The following SHB variants were observed in gnomAD, a reference collection of about 807,000 sequenced individuals.
SHB encodes SH2 domain-containing adapter protein B.
A neutral mutation model predicts 52.3 loss-of-function variants in SHB; 20 were observed. The observed-to-expected ratio is 0.38, with a 90% CI of 0.27 to 0.56. The LOEUF is 0.56. Ranked by LOEUF, SHB falls within the 20% of genes least tolerant of loss-of-function variation. The probability of loss-of-function intolerance (pLI) is 0.71; values close to 1 mark genes in which losing one functional copy is unlikely to be tolerated. For synonymous variants in SHB, 397 were observed against 316.5 expected, an observed-to-expected ratio of 1.25 and a Z score of -2.70; for missense variants, 825 against 723.3, an observed-to-expected ratio of 1.14 and a Z score of -1.61.
At chr9:37,963,175 G>T (rs977506374) in intron 3 of SHB, among the ~76,000 whole-genome samples, 1 of 152,170 alleles carries the variant, frequency 6.6e-6, no homozygotes, top group Non-Finnish European at 1.5e-5. Flanking sequence ...GTGGCCCCCG[G>T]GGATAGGGGG....
chr9:37,998,755 G>A (rs957726081), intron 2 of SHB, among the ~76,000 whole-genome samples: 1 of 152,130 alleles, frequency 6.6e-6, no homozygotes, highest in Non-Finnish European at 1.5e-5. Flanking sequence ...GCCTGTCCTC[G>A]AAATCCTATT....
At chr9:38,008,503 G>A (rs969910296) in intron 2 of SHB, among the ~76,000 whole-genome samples, 11 of 152,326 alleles carry the variant, frequency 7.2e-5, no homozygotes, top group Middle Eastern at 3.4e-3. Context: ...CACAGTCTAC[G>A]ACCAAGCCTG....
chr9:37,963,697 C>T (rs868343962), intron 3 of SHB, among the ~76,000 whole-genome samples: 8 of 152,018 alleles, frequency 5.3e-5, no homozygotes, highest in African/African-American at 1.9e-4. Context: ...GGTAGTTGTG[C>T]GACCCCAGGA....
At chr9:38,064,027 C>G (rs1821930234) in intron 1 of SHB, among the ~76,000 whole-genome samples, 1 of 151,830 alleles carries the variant, frequency 6.6e-6, no homozygotes, top group Non-Finnish European at 1.5e-5. Flanking sequence ...GAAAATATAA[C>G]TGGATGAGAC....
chr9:37,923,666 G>C (rs1384908021), intron 5 of SHB, among the ~76,000 whole-genome samples: 1 of 152,186 alleles, frequency 6.6e-6, no homozygotes, highest in African/African-American at 2.4e-5. Context: ...AAGGAGACGC[G>C]AGCATGAGCA....
At chr9:38,057,619 CAT>C (rs1273748123) in intron 1 of SHB, among the ~76,000 whole-genome samples, 2 of 152,242 alleles carry the variant, frequency 1.3e-5, no homozygotes, top group Non-Finnish European at 2.9e-5. Flanking sequence ...TCCCCGATCA[CAT>C]GTGTGGCTTT....
At chr9:37,930,994 T>C (rs995420656) in intron 5 of SHB, among the ~76,000 whole-genome samples, 3 of 152,076 alleles carry the variant, frequency 2.0e-5, no homozygotes, top group Non-Finnish European at 2.9e-5. Flanking sequence ...TTGATGAGGG[T>C]ACCAAGAAGA....
intron 3 of SHB, among the ~76,000 whole-genome samples, chr9:37,959,718 G>A (rs1014703869): frequency 1.3e-5 from 2 of 152,118 alleles, no homozygotes; most frequent in Admixed American, 1.3e-4. Flanking sequence ...CCAGCCTCAG[G>A]TCCACCAATC....
At position 37,980,220 on chromosome 9, in the gene SHB, C is replaced by T. The variant is rs920907488; in HGVS notation, c.839-5383G>A. ...CTGTTTTATAACATTTTACCCACGGCAGAACTTCTTTCAAAATTGGAGTCA... is the reference window on the plus strand; with the variant it reads ...CTGTTTTATAACATTTTACCCACGGTAGAACTTCTTTCAAAATTGGAGTCA... On this transcript the variant is annotated intron_variant, in intron 2 of 5. Transcript: ENST00000377707. Among the ~76,000 whole-genome samples the T allele has an allele frequency of 5.3e-5, 8 of 152,348 alleles. No individual in the cohort carries two copies. The South Asian group carries it at 1.0e-3, about 20-fold the overall frequency.
chr9:37,937,440 G>A (rs1245799241), intron 5 of SHB, among the ~76,000 whole-genome samples: 1 of 151,988 alleles, frequency 6.6e-6, no homozygotes, highest in South Asian at 2.1e-4. Flanking sequence ...TATTCCTCTT[G>A]GGTGAAATAA....
Position 37,918,487 on chromosome 9 carries a change from C to CTGTGTGTG in SHB, c.*1326_*1333dup, listed in dbSNP as rs35453970. The stretch of plus-strand genomic sequence containing the variant: ...TGGAAGCAGTGTGGACCACTGAGGG[C>CTGTGTGTG]TGTGTGTGTGTGTGTGTGTGTGTGT... On this transcript the variant is annotated 3_prime_UTR_variant, in exon 6 of 6. Coordinates refer to ENST00000377707, the MANE Select transcript of SHB (RefSeq NM_003028.3). Among the ~76,000 whole-genome samples, 4 of 45,516 alleles carry CTGTGTGTG rather than the reference C, an allele frequency of 8.8e-5. No homozygotes were observed. The highest frequency in any genetic ancestry group is 8.5e-4 in the East Asian group (1 of 1,170). 29.9% of individuals were successfully genotyped at this position (45,516 alleles called of 152,430 possible).
At chr9:37,936,201 G>C (rs1832368965) in intron 5 of SHB, among the ~76,000 whole-genome samples, 3 of 152,190 alleles carry the variant, frequency 2.0e-5, no homozygotes, top group Admixed American at 1.3e-4. Context: ...GGGCGACAGA[G>C]CGGGACTCTG....
At chr9:37,927,144 T>C (rs1832259374) in intron 5 of SHB, among the ~76,000 whole-genome samples, 1 of 152,214 alleles carries the variant, frequency 6.6e-6, no homozygotes, top group Non-Finnish European at 1.5e-5. Flanking sequence ...TGTAAGTGCA[T>C]CTCACTGTGT....
At chr9:37,948,848 C>T in intron 4 of SHB, 94 bp from the exon 5 acceptor site, 1 of 1,521,800 alleles carries the variant, frequency 6.6e-7, no homozygotes, top group Non-Finnish European at 8.9e-7. Context: ...CAGAGAGCCT[C>T]CCTGTACAAG....
intron 2 of SHB, among the ~76,000 whole-genome samples, chr9:38,008,942 G>A (rs1430541213): frequency 6.6e-6 from 1 of 152,226 alleles, no homozygotes; most frequent in Non-Finnish European, 1.5e-5. Flanking sequence ...CAGAGCTGGG[G>A]CTGGGAATGG....
chr9:38,063,970 G>A (rs766721694), intron 1 of SHB, among the ~76,000 whole-genome samples: 7 of 151,792 alleles, frequency 4.6e-5, no homozygotes, highest in African/African-American at 1.2e-4. Context: ...TAGTTGTGGT[G>A]GAAACAACAT....
chr9:37,985,314 C>G (rs1321049483), intron 2 of SHB, among the ~76,000 whole-genome samples: 1 of 152,252 alleles, frequency 6.6e-6, no homozygotes, highest in Non-Finnish European at 1.5e-5. Flanking sequence ...TTCTCATGAG[C>G]CCCTCTGGCC....
intron 3 of SHB, among the ~76,000 whole-genome samples, chr9:37,967,528 G>A (rs893571682): frequency 6.6e-6 from 1 of 152,134 alleles, no homozygotes; most frequent in Non-Finnish European, 1.5e-5. Context: ...GGAAGGAACC[G>A]GTTGTGTCAG....
chr9:37,994,366 C>A (rs1054473996), intron 2 of SHB, among the ~76,000 whole-genome samples: 8 of 152,354 alleles, frequency 5.3e-5, no homozygotes, highest in Non-Finnish European at 5.9e-5. Flanking sequence ...CTCATTCCAA[C>A]TTGATCAGGT....
Sources: gnomAD v4.1 joint callset for allele counts (sites outside exome capture counted in the v4.1 genomes callset) on GRCh38, gnomAD v4.1.1 for gene constraint, MANE v1.5 for transcripts, NCBI Gene and HGNC (gene_info 2026-07-23, HGNC 2026-07-21) for gene names.